Variants in DPYSL4 observed in about 807,000 individuals in gnomAD.
DPYSL4 encodes dihydropyrimidinase like 4.
In DPYSL4, 43 loss-of-function variants were observed where a neutral mutation model predicts 63.4. The observed-to-expected ratio is 0.68, with a 90% CI of 0.53 to 0.88. The LOEUF is 0.88. Ranked by LOEUF, DPYSL4 falls within the 40% of genes least tolerant of loss-of-function variation. DPYSL4 has a pLI of 0.00. For synonymous variants in DPYSL4, 353 were observed against 331.7 expected (o/e 1.06, Z -0.70); for missense variants, 733 against 819.5 (o/e 0.89, Z 1.29).
At chr10:132,199,386 G>A (rs1180885916) in intron 8 of DPYSL4, among the ~76,000 whole-genome samples, 1 of 152,174 alleles carries the variant, frequency 6.6e-6, no homozygotes, top group African/African-American at 2.4e-5. Flanking sequence ...GCCTGGCACT[G>A]CAGAGAGCCT....
chr10:132,200,736 A>T, intron 9 of DPYSL4, 106 bp from the exon 10 acceptor site: 1 of 1,463,228 alleles, frequency 6.8e-7, no homozygotes, highest in Non-Finnish European at 9.1e-7. Flanking sequence ...AGAGCCACTC[A>T]GATGACCTCT....
chr10:132,187,012 C>CGGGGGGGGGGG lies in DPYSL4; in HGVS notation c.-51_-50insGGGGGGGGGGG. 4.5e-6 allele frequency: 1 copy of CGGGGGGGGGGG among 222,368 alleles called. No individual in the cohort carries two copies. The highest frequency in any genetic ancestry group is 6.3e-5 in the Admixed American group (1 of 15,854). 13.8% of individuals were successfully genotyped at this position (222,368 alleles called of 1,614,324 possible). A position where few individuals can be genotyped will look rare whatever the true frequency, so the allele number is the denominator to read the frequency against. On this transcript the variant is annotated 5_prime_UTR_variant, in exon 1 of 14. Coordinates refer to ENST00000338492, the MANE Select transcript of DPYSL4 (RefSeq NM_006426.3). ...TCACGCGTCCCCCCGCCCGCCCGCCCGCCCGCCCGCCCCCGCTTGTGCCGC... is the reference window on the plus strand; with the variant it reads ...TCACGCGTCCCCCCGCCCGCCCGCCCGGGGGGGGGGGGCCCGCCCGCCCCCGCTTGTGCCGC...
At position 132,202,649 on chromosome 10, in the gene DPYSL4, G is replaced by A. The variant is rs138126774; in HGVS notation, c.1285G>A (p.Val429Met). The stretch of plus-strand genomic sequence containing the variant: ...ACCCTCGGGCCTCTCTCCCCAGAAC[G>A]TGGAGTACAACATCTTCGAGGGAGT... ...IISAKTHNLNVEYNIFEGVEC... is the reference protein window; with the variant it reads ...IISAKTHNLNMEYNIFEGVEC... Residue 429 changes from valine (V) to methionine (M), a missense_variant, in exon 12 of 14, where the codon GTG becomes ATG. Transcript: ENST00000338492. 6.2e-6 allele frequency: 10 copies of A among 1,612,280 alleles called. No homozygotes were observed. The highest frequency in any genetic ancestry group is 4.0e-5 in the African/African-American group (3 of 74,910).
intron 3 of DPYSL4, 52 bp downstream of exon 3, chr10:132,192,894 C>A (rs1291785038): frequency 6.5e-7 from 1 of 1,531,116 alleles, no homozygotes; most frequent in South Asian, 1.3e-5. Flanking sequence ...TCTGCTGCCC[C>A]TCTCTCTGGC....
intron 5 of DPYSL4, 37 bp from the exon 6 acceptor site, chr10:132,196,984 G>GCAGCCC: frequency 6.2e-7 from 1 of 1,612,988 alleles, no homozygotes. Flanking sequence ...TGGTGCAGGC[G>GCAGCCC]CAGCCCCACC....
rs1382634979 is a variant in DPYSL4 at position 132,187,078 on chromosome 10, C to G, written c.15C>G (p.Gly5=). 1.4e-6 allele frequency: 2 copies of G among 1,426,998 alleles called. No individual in the cohort carries two copies. Among genetic ancestry groups the G allele is most frequent in the Non-Finnish European group, 1.9e-6 (2 of 1,064,564 alleles). 88.4% of individuals were successfully genotyped at this position (1,426,998 alleles called of 1,614,324 possible). Reference sequence around the variant, plus strand: ...CCAGGAGCAGGATGTCCTTCCAGGGCAAGAAAAGCATCCCCCGGATCACGG... The same window carrying G: ...CCAGGAGCAGGATGTCCTTCCAGGGGAAGAAAAGCATCCCCCGGATCACGG... MSFQ[G]KKSIPRITSD... The change falls in exon 1 of 14, where the codon GGC becomes GGG. Residue 5 remains glycine (G), a synonymous_variant. Coordinates refer to ENST00000338492, the MANE Select transcript of DPYSL4 (RefSeq NM_006426.3).
At chr10:132,204,084 C>T (rs1015644380) in intron 13 of DPYSL4, among the ~76,000 whole-genome samples, 157 bp downstream of exon 13, 19 of 151,228 alleles carry the variant, frequency 1.3e-4, no homozygotes, top group Admixed American at 1.3e-4. Context: ...GTTGTGGGGG[C>T]CAAGGGCTGA....
At position 132,196,911 on chromosome 10, in the gene DPYSL4, A is replaced by C; in HGVS notation, c.529A>C (p.Ser177Arg). Residue 177 changes from serine to arginine, a missense_variant, in exon 5 of 14, where the codon AGC becomes CGC. By Grantham distance (110) the Ser-to-Arg change is moderately radical. Coordinates refer to ENST00000338492, the MANE Select transcript of DPYSL4 (RefSeq NM_006426.3). ...GGCATACAAGGACCGGTGCCAGTGC[A>C]GCGACAGCCAGGTAAGGGCAGGCGT... ...FMAYKDRCQC[S>R]DSQMYEIFSI... 1 of 1,612,266 alleles carries C rather than the reference A, an allele frequency of 6.2e-7. No homozygotes were observed. Among genetic ancestry groups the C allele is most frequent in the Non-Finnish European group, 8.5e-7 (1 of 1,179,310 alleles).
intron 9 of DPYSL4, 86 bp downstream of exon 9, chr10:132,200,598 C>A: frequency 1.3e-6 from 2 of 1,536,780 alleles, no homozygotes; most frequent in South Asian, 2.4e-5. Flanking sequence ...AGGCCTCTCC[C>A]ACGGCTCCCA....
In DPYSL4 at chr10:132,200,363, C is replaced by A. The variant is rs201859563; in HGVS notation, c.819C>A (p.Val273=). ...AIAQAKRRGV[V]VFGEPITASL... ...ATGGGCCTCGTGCTGCAGGGGTGGTCGTGTTTGGGGAGCCCATCACCGCCA... is the reference window on the plus strand; with the variant it reads ...ATGGGCCTCGTGCTGCAGGGGTGGTAGTGTTTGGGGAGCCCATCACCGCCA... Residue 273 remains valine (V), a synonymous_variant, in exon 9 of 14, where the codon GTC becomes GTA. Transcript: ENST00000338492. The A allele has an allele frequency of 1.2e-6, 2 of 1,613,166 alleles. No homozygotes were observed. The highest frequency in any genetic ancestry group is 1.3e-5 in the African/African-American group (1 of 75,034).
chr10:132,199,028 G>A lies in DPYSL4; in HGVS notation c.811+57G>A. 1.9e-6 allele frequency: 3 copies of A among 1,582,960 alleles called. No homozygotes were observed. The South Asian group carries it at 3.4e-5, about 18-fold the overall frequency. On this transcript the variant is annotated intron_variant, in intron 8 of 13. Coordinates refer to ENST00000338492, the MANE Select transcript of DPYSL4 (RefSeq NM_006426.3). Reference sequence around the variant, plus strand: ...GGGCCATGGTCTCGGCCTCCTGGGTGCAGCCCTGGGGAGATGCAGGTTCCC... The same window carrying A: ...GGGCCATGGTCTCGGCCTCCTGGGTACAGCCCTGGGGAGATGCAGGTTCCC...
intron 6 of DPYSL4, among the ~76,000 whole-genome samples, chr10:132,197,511 G>GCCTGAGC (rs1262368072): frequency 6.6e-6 from 1 of 152,210 alleles, no homozygotes; most frequent in Non-Finnish European, 1.5e-5. Context: ...GCTGGGGAGG[G>GCCTGAGC]CCTGAGCCCG....
chr10:132,201,201 C>G (rs996158407), intron 10 of DPYSL4, among the ~76,000 whole-genome samples: 3 of 152,130 alleles, frequency 2.0e-5, no homozygotes, highest in Non-Finnish European at 4.4e-5. Flanking sequence ...CAGCTGGTAG[C>G]CCCCCACCCC....
chr10:132,201,956 A>G lies in DPYSL4; in HGVS notation c.1121A>G (p.Lys374Arg). The change falls in exon 11 of 14, where the codon AAG (lysine) becomes AGG (arginine). Residue 374 changes from lysine to arginine, a missense_variant. Transcript: ENST00000338492. Reference protein sequence around the residue: ...MVWEKCVASGKMDENEFVAVT... With the variant: ...MVWEKCVASGRMDENEFVAVT... ...CTTCTTGTTCCCCAGGCCTCTGGGA[A>G]GATGGACGAGAATGAGTTCGTCGCG... is the stretch of plus-strand genomic sequence containing the variant. 1 of 1,612,518 alleles carries G rather than the reference A, an allele frequency of 6.2e-7. No homozygotes were observed. Among genetic ancestry groups the G allele is most frequent in the Non-Finnish European group, 8.5e-7 (1 of 1,179,490 alleles).
chr10:132,190,830 G>A lies in DPYSL4; in HGVS notation c.123G>A (p.Leu41=). ...CTGATGTGCACGTGGAAGATGGCTT[G>A]ATAAAGTAAGTTTCCGCCGAAAATG... ...FYADVHVEDG[L]IKQIGENLIV... The change falls in exon 2 of 14, where the codon TTG becomes TTA. Residue 41 remains leucine, a synonymous_variant. Coordinates refer to ENST00000338492, the MANE Select transcript of DPYSL4 (RefSeq NM_006426.3). 6.2e-7 allele frequency: 1 copy of A among 1,612,964 alleles called. No individual in the cohort carries two copies. The highest frequency in any genetic ancestry group is 8.5e-7 in the Non-Finnish European group (1 of 1,179,278).
intron 9 of DPYSL4, 37 bp downstream of exon 9, chr10:132,200,549 C>T (rs1417274790): frequency 6.2e-7 from 1 of 1,607,528 alleles, no homozygotes; most frequent in Admixed American, 1.7e-5. Context: ...GGTTGGCCGC[C>T]CGCTGCACAC....
chr10:132,191,564 G>A lies in DPYSL4; in HGVS notation c.128+729G>A, dbSNP rs1403082367. On this transcript the variant is annotated intron_variant, in intron 2 of 13. Transcript: ENST00000338492. ...CGCTGGTCACATGGTATCCAGGCAGGTTAAAGTATGTTCCCAGCTCGTGTG... is the reference window on the plus strand; with the variant it reads ...CGCTGGTCACATGGTATCCAGGCAGATTAAAGTATGTTCCCAGCTCGTGTG... 9.7e-4 allele frequency among the ~76,000 whole-genome samples: 36 copies of A among 37,014 alleles called. 2 individuals are homozygous for A. The highest frequency in any genetic ancestry group is 5.5e-3 in the East Asian group (1 of 182). 24.3% of individuals were successfully genotyped at this position (37,014 alleles called of 152,430 possible).
chr10:132,201,086 A>T (rs745584208), intron 10 of DPYSL4, 103 bp downstream of exon 10: 6 of 1,482,966 alleles, frequency 4.0e-6, no homozygotes, highest in Non-Finnish European at 5.4e-6. Context: ...CACACTCGTG[A>T]AACAGATCAG....
intron 13 of DPYSL4, 39 bp from the exon 14 acceptor site, chr10:132,204,788 GGCCCCTGCCCCT>G: frequency 6.6e-7 from 1 of 1,508,050 alleles, no homozygotes; most frequent in Non-Finnish European, 9.0e-7. Context: ...TGAATAGAAG[GGCCCCTGCCCCT>G]GCCTCATTCT....
Sources: gnomAD v4.1 joint callset for allele counts (sites outside exome capture counted in the v4.1 genomes callset) on GRCh38, gnomAD v4.1.1 for gene constraint, MANE v1.5 for transcripts, NCBI Gene and HGNC (gene_info 2026-07-23, HGNC 2026-07-21) for gene names.